Variants in DLGAP4 observed in about 807,000 individuals in gnomAD.
DLGAP4 encodes the protein disks large-associated protein 4.
Under a neutral mutation model 86.9 loss-of-function variants are expected in DLGAP4, and 18 were observed. That is an observed-to-expected ratio of 0.21 (90% CI 0.14 to 0.31). The LOEUF is 0.31. Ranked by LOEUF, DLGAP4 falls within the 10% of genes least tolerant of loss-of-function variation. The probability of loss-of-function intolerance (pLI) is 1.00; values close to 1 mark genes in which losing one functional copy is unlikely to be tolerated. For synonymous variants in DLGAP4, 548 were observed against 574.3 expected, an observed-to-expected ratio of 0.95 and a Z score of 0.65; for missense variants, 1,085 against 1,362.6, an observed-to-expected ratio of 0.80 and a Z score of 3.21.
chr20:36,463,223 A>G (rs987222847), intron 7 of DLGAP4, among the ~76,000 whole-genome samples: 1 of 152,198 alleles, frequency 6.6e-6, no homozygotes, highest in Non-Finnish European at 1.5e-5. Context: ...TGCCAGCTTC[A>G]AGGTGTTGTA....
chr20:36,527,288 C>T lies in DLGAP4; in HGVS notation c.*257C>T, dbSNP rs947024311. On this transcript the variant is annotated 3_prime_UTR_variant, in exon 13 of 13. Transcript: ENST00000339266. ...AAACTTTTTTTTTCCTCTTGCTGGC[C>T]GTGGTGGACTAGATAGATGGACGTC... The T allele has an allele frequency of 5.5e-6, 2 of 362,072 alleles. No individual in the cohort carries two copies. Among genetic ancestry groups the T allele is most frequent in the African/African-American group, 2.1e-5 (1 of 48,202 alleles). The allele number at this position is 362,072 out of a possible 1,614,324, so 22.4% of individuals were successfully genotyped here.
intron 2 of DLGAP4, among the ~76,000 whole-genome samples, chr20:36,416,560 G>A (rs1405804558): frequency 1.3e-5 from 2 of 152,218 alleles, no homozygotes; most frequent in African/African-American, 2.4e-5. Context: ...GTACAGAGTC[G>A]TTGCTTCTGG....
intron 1 of DLGAP4, among the ~76,000 whole-genome samples, chr20:36,332,907 A>G: frequency 6.6e-6 from 1 of 152,072 alleles, no homozygotes; most frequent in Middle Eastern, 3.2e-3. Context: ...GCCTGCCACC[A>G]TGTATATTCA....
chr20:36,465,290 C>T (rs947101575), intron 7 of DLGAP4: 5 of 152,074 alleles, frequency 3.3e-5, no homozygotes, highest in Admixed American at 2.0e-4. Context: ...GTGTAATCAG[C>T]CAGGCTCTTT....
chr20:36,519,780 G>GGTTTGTTT (rs139402656), intron 10 of DLGAP4, among the ~76,000 whole-genome samples: 2 of 151,934 alleles, frequency 1.3e-5, no homozygotes, highest in East Asian at 3.9e-4. Context: ...TAGCTTTTGG[G>GGTTTGTTT]GTTTGTTTGT....
At chr20:36,325,652 C>T (rs1555890953) in intron 1 of DLGAP4, among the ~76,000 whole-genome samples, 1 of 151,804 alleles carries the variant, frequency 6.6e-6, no homozygotes, top group Non-Finnish European at 1.5e-5. Context: ...TATTTAGGAT[C>T]ATCATTCCTG....
At chr20:36,420,364 G>A (rs1412609838) in intron 2 of DLGAP4, among the ~76,000 whole-genome samples, 3 of 152,180 alleles carry the variant, frequency 2.0e-5, no homozygotes, top group Non-Finnish European at 2.9e-5. Context: ...CTCAGTGGAT[G>A]TAGCCTGTGA....
chr20:36,344,550 C>T (rs1555892784), intron 1 of DLGAP4, among the ~76,000 whole-genome samples: 1 of 152,226 alleles, frequency 6.6e-6, no homozygotes, highest in East Asian at 1.9e-4. Flanking sequence ...AGGAGCTGGC[C>T]TGAGATCACA....
rs1488052603 is a variant in DLGAP4 at position 36,394,977 on chromosome 20, G to A, written c.-73+27702G>A. ...CAGAGGCTCTGCTGTGGCCCTCCAG[G>A]ACCCTCCCTAGAGCTGCCCCCTCCT... On this transcript the variant is annotated intron_variant, in intron 2 of 12. Coordinates refer to ENST00000339266, the MANE Select transcript of DLGAP4 (RefSeq NM_001365621.2). Among the ~76,000 whole-genome samples the A allele has an allele frequency of 2.0e-5, 3 of 151,982 alleles. No individual in the cohort carries two copies. The East Asian group carries it at 5.8e-4, about 29-fold the overall frequency.
chr20:36,485,622 C>G (rs2035377935), intron 7 of DLGAP4, among the ~76,000 whole-genome samples: 1 of 152,152 alleles, frequency 6.6e-6, no homozygotes, highest in Non-Finnish European at 1.5e-5. Context: ...GATTTTAGAT[C>G]CTGGCAGCCT....
chr20:36,412,036 T>C (rs182828173), intron 2 of DLGAP4, among the ~76,000 whole-genome samples: 3 of 152,322 alleles, frequency 2.0e-5, no homozygotes, highest in Non-Finnish European at 1.5e-5. Context: ...GTTCTCCAAG[T>C]GCTGTGTGTA....
At chr20:36,341,757 G>C (rs1357880442) in intron 1 of DLGAP4, among the ~76,000 whole-genome samples, 3 of 152,214 alleles carry the variant, frequency 2.0e-5, no homozygotes, top group Non-Finnish European at 4.4e-5. Context: ...GAACAGATGG[G>C]AGAACAAGCT....
At chr20:36,383,389 T>C (rs573263236) in intron 2 of DLGAP4, among the ~76,000 whole-genome samples, 114 of 152,226 alleles carry the variant, frequency 7.5e-4, no homozygotes, top group African/African-American at 2.6e-3. Flanking sequence ...TTATTCACTG[T>C]CTTGAGAACA....
chr20:36,396,601 C>A, intron 2 of DLGAP4, among the ~76,000 whole-genome samples: 2 of 149,564 alleles, frequency 1.3e-5, no homozygotes, highest in South Asian at 2.1e-4. Context: ...CACACACACG[C>A]ACGCATACAC....
At chr20:36,364,948 A>T (rs1555894517) in intron 1 of DLGAP4, among the ~76,000 whole-genome samples, 1 of 152,114 alleles carries the variant, frequency 6.6e-6, no homozygotes, top group Non-Finnish European at 1.5e-5. Context: ...TACAAAAATT[A>T]GTCAGGTGTG....
chr20:36,314,023 G>A (rs1258899428), intron 1 of DLGAP4, among the ~76,000 whole-genome samples: 8 of 152,084 alleles, frequency 5.3e-5, no homozygotes, highest in Non-Finnish European at 7.4e-5. Context: ...TGAGTGTGGC[G>A]GCAGGTGAAG....
In DLGAP4 at chr20:36,525,989, AC is replaced by A; in HGVS notation, c.2748del (p.Glu917ArgfsTer24). On this transcript the variant is annotated frameshift_variant, in exon 12 of 13. Coordinates refer to ENST00000339266, the MANE Select transcript of DLGAP4 (RefSeq NM_001365621.2). LOFTEE classifies it high-confidence loss of function. ...LKANSWQLVETPEKRKEEKKP... is the reference protein window; with the variant it reads ...LKANSWQLVEXPEKRKEEKKP... ...GGCCAACAGCTGGCAGCTGGTGGAG[AC>A]CCCCGAGAAGAGGAAGGTGAGCATG... 1 of 1,613,686 alleles carries A rather than the reference AC, an allele frequency of 6.2e-7. No homozygotes were observed. Among genetic ancestry groups the A allele is most frequent in the Non-Finnish European group, 8.5e-7 (1 of 1,179,936 alleles).
intron 1 of DLGAP4, among the ~76,000 whole-genome samples, chr20:36,323,820 A>G (rs528657413): frequency 4.6e-5 from 7 of 152,340 alleles, no homozygotes; most frequent in East Asian, 3.9e-4. Flanking sequence ...CGTAGTTCAC[A>G]GTAGGATTCG....
intron 1 of DLGAP4, among the ~76,000 whole-genome samples, chr20:36,335,873 G>A (rs188537156): frequency 6.6e-6 from 1 of 152,228 alleles, no homozygotes; most frequent in East Asian, 1.9e-4. Flanking sequence ...TAGGGGCCTG[G>A]TCTCCCTGCC....
Sources: gnomAD v4.1 joint callset for allele counts (sites outside exome capture counted in the v4.1 genomes callset) on GRCh38, gnomAD v4.1.1 for gene constraint, MANE v1.5 for transcripts, NCBI Gene and HGNC (gene_info 2026-07-23, HGNC 2026-07-21) for gene names.